PCDHGA1: variants seen among roughly 807,000 people sequenced by gnomAD.
PCDHGA1 encodes protocadherin gamma subfamily A, 1.
In PCDHGA1, 32 loss-of-function variants were observed where a neutral mutation model predicts 58.0. The observed-to-expected ratio is 0.55, with a 90% CI of 0.42 to 0.74. The LOEUF (loss-of-function observed/expected upper bound fraction) is 0.74, where lower values mean the gene tolerates loss of function less well. Ranked by LOEUF, PCDHGA1 falls within the 30% of genes least tolerant of loss-of-function variation. The probability of loss-of-function intolerance (pLI) is 0.00; values close to 1 mark genes in which losing one functional copy is unlikely to be tolerated. For synonymous variants in PCDHGA1, 498 were observed against 501.1 expected, an observed-to-expected ratio of 0.99 and a Z score of 0.08; for missense variants, 1,205 against 1,182.3, an observed-to-expected ratio of 1.02 and a Z score of -0.28.
At chr5:141,345,225 A>T in intron 1 of PCDHGA1, 1 of 1,613,856 alleles carries the variant, frequency 6.2e-7, no homozygotes, top group East Asian at 2.2e-5. Context: ...AGAAAAATCA[A>T]TAGATCAATA....
At chr5:141,494,099 C>T (rs976610819) in intron 1 of PCDHGA1, among the ~76,000 whole-genome samples, 3 of 152,172 alleles carry the variant, frequency 2.0e-5, no homozygotes, top group South Asian at 2.1e-4. Context: ...CATTTTTCTC[C>T]GTCTCAGACA....
chr5:141,485,641 G>T lies in PCDHGA1; in HGVS notation c.2422-9166G>T. The T allele has an allele frequency of 6.2e-7, 1 of 1,612,012 alleles. No individual in the cohort carries two copies. Among genetic ancestry groups the T allele is most frequent in the Non-Finnish European group, 8.5e-7 (1 of 1,178,470 alleles). On this transcript the variant is annotated intron_variant, in intron 1 of 3. Transcript: ENST00000517417. The surrounding 1 kb of genome is among the most constrained non-coding windows in gnomAD (Gnocchi z 5.7). Reference sequence around the variant, plus strand: ...CAGGACAGCGTTTCCCGTTGGAAAAGGCTCAGGATGCAGATGTGGGGAGCA... The same window carrying T: ...CAGGACAGCGTTTCCCGTTGGAAAATGCTCAGGATGCAGATGTGGGGAGCA...
At position 141,360,885 on chromosome 5, in the gene PCDHGA1, C is replaced by T. The variant is rs762942158; in HGVS notation, c.2421+27780C>T. 3 of 1,614,014 alleles carry T rather than the reference C, an allele frequency of 1.9e-6. No homozygotes were observed. The East Asian group carries it at 6.7e-5, about 36-fold the overall frequency. On this transcript the variant is annotated intron_variant, in intron 1 of 3. Coordinates refer to ENST00000517417, the MANE Select transcript of PCDHGA1 (RefSeq NM_018912.3). ...TCAGCCAGGACGTGTACAGGGTCACCCTGAGGGAGGACGTGCCGCCGGGCT... is the reference window on the plus strand; with the variant it reads ...TCAGCCAGGACGTGTACAGGGTCACTCTGAGGGAGGACGTGCCGCCGGGCT...
chr5:141,341,349 C>T (rs1254925291), intron 1 of PCDHGA1: 2 of 1,614,204 alleles, frequency 1.2e-6, no homozygotes, highest in South Asian at 1.1e-5. Flanking sequence ...TTTTTATCAG[C>T]GCCTCAATCT....
At chr5:141,495,779 C>A (rs529564820) in intron 2 of PCDHGA1, among the ~76,000 whole-genome samples, 53 of 152,094 alleles carry the variant, frequency 3.5e-4, no homozygotes, top group Non-Finnish European at 4.6e-4. Flanking sequence ...TCCTGGACCT[C>A]TTTTCTGTTT....
chr5:141,476,271 C>T lies in PCDHGA1; in HGVS notation c.2422-18536C>T. Reference sequence around the variant, plus strand: ...GGTTTCGCTGTGGGCAACGTGGTCGCGAACCTTGGTTTGGATCTCGGTAGC... The same window carrying T: ...GGTTTCGCTGTGGGCAACGTGGTCGTGAACCTTGGTTTGGATCTCGGTAGC... On this transcript the variant is annotated intron_variant, in intron 1 of 3. Coordinates refer to ENST00000517417, the MANE Select transcript of PCDHGA1 (RefSeq NM_018912.3). This position sits in a 1 kb window ranked among gnomAD's most constrained non-coding sequence, Gnocchi z 7.6. 4 of 1,613,892 alleles carry T rather than the reference C, an allele frequency of 2.5e-6. No homozygotes were observed. The highest frequency in any genetic ancestry group is 3.4e-6 in the Non-Finnish European group (4 of 1,179,974).
intron 1 of PCDHGA1, chr5:141,385,236 C>T: frequency 2.5e-6 from 4 of 1,614,152 alleles, no homozygotes; most frequent in Non-Finnish European, 3.4e-6. Flanking sequence ...TAGACATGCT[C>T]ATCAGCCAGG....
rs764389909 is a variant in PCDHGA1, at chr5:141,491,064, ACTGTTG to A, written c.2422-3741_2422-3736del. On this transcript the variant is annotated intron_variant, in intron 1 of 3. Transcript: ENST00000517417. The surrounding 1 kb of genome is among the most constrained non-coding windows in gnomAD (Gnocchi z 6.9). ...GCCACAATGCGTGGCTCTCCTACTCACTGTTGCCACAGTCCACAGCCCCAGGACTGT... is the reference window on the plus strand; with the variant it reads ...GCCACAATGCGTGGCTCTCCTACTCACCACAGTCCACAGCCCCAGGACTGT... 1.2e-6 allele frequency: 2 copies of A among 1,613,962 alleles called. No homozygotes were observed. Among genetic ancestry groups the A allele is most frequent in the Admixed American group, 3.3e-5 (2 of 60,010 alleles).
chr5:141,491,544 C>G lies in PCDHGA1; in HGVS notation c.2422-3263C>G, dbSNP rs546391464. The G allele has an allele frequency of 1.1e-5, 17 of 1,614,018 alleles. No individual in the cohort carries two copies. In the Admixed American group the frequency reaches 1.8e-4, roughly 17 times the overall value. Reference sequence around the variant, plus strand: ...TGGAGGTGACGCTGCGGCCCACAGACTCGCAGAGCCACTGCTACAGGACGT... The same window carrying G: ...TGGAGGTGACGCTGCGGCCCACAGAGTCGCAGAGCCACTGCTACAGGACGT... On this transcript the variant is annotated intron_variant, in intron 1 of 3. Transcript: ENST00000517417. The surrounding 1 kb of genome is among the most constrained non-coding windows in gnomAD (Gnocchi z 6.9).
At chr5:141,508,570 C>T (rs1164806696) in intron 3 of PCDHGA1, among the ~76,000 whole-genome samples, 21 of 152,198 alleles carry the variant, frequency 1.4e-4, no homozygotes. Context: ...GTCACTTGCA[C>T]CCACTCGGGG....
chr5:141,366,557 G>A (rs376762797), intron 1 of PCDHGA1: 1 of 1,614,150 alleles, frequency 6.2e-7, no homozygotes, highest in African/African-American at 1.3e-5. Flanking sequence ...CTTTGTGGGC[G>A]TGGATGGGGT....
chr5:141,340,832 C>G (rs773450474), intron 1 of PCDHGA1: 2 of 1,613,248 alleles, frequency 1.2e-6, no homozygotes, highest in Non-Finnish European at 1.7e-6. Flanking sequence ...CTCGGTGGGT[C>G]TGCACACGGG....
intron 1 of PCDHGA1, among the ~76,000 whole-genome samples, chr5:141,463,302 A>T (rs2099056422): frequency 6.6e-6 from 1 of 151,090 alleles, no homozygotes; most frequent in Non-Finnish European, 1.5e-5. Context: ...ATCTCCCCAA[A>T]CTCTAATATC....
Position 141,332,921 on chromosome 5 carries a change from T to C in PCDHGA1, c.2237T>C (p.Val746Ala), listed in dbSNP as rs1180114826. The stretch of plus-strand genomic sequence containing the variant: ...TCGCACTTTGTGGGCGTGGACGGGG[T>C]TCGGGCTTTCCTGCAGACCTATTCC... ...PGSHFVGVDG[V>A]RAFLQTYSHE... Residue 746 changes from valine to alanine, a missense_variant, in exon 1 of 4, where the codon GTT becomes GCT. Transcript: ENST00000517417. The surrounding 1 kb of genome is among the most constrained non-coding windows in gnomAD (Gnocchi z 4.6). 6.2e-7 allele frequency: 1 copy of C among 1,614,006 alleles called. No homozygotes were observed. Among genetic ancestry groups the C allele is most frequent in the Non-Finnish European group, 8.5e-7 (1 of 1,180,032 alleles).
chr5:141,477,564 A>T lies in PCDHGA1; in HGVS notation c.2422-17243A>T. 2 of 1,613,924 alleles carry T rather than the reference A, an allele frequency of 1.2e-6. No individual in the cohort carries two copies. The highest frequency in any genetic ancestry group is 1.7e-6 in the Non-Finnish European group (2 of 1,179,980). On this transcript the variant is annotated intron_variant, in intron 1 of 3. Coordinates refer to ENST00000517417, the MANE Select transcript of PCDHGA1 (RefSeq NM_018912.3). The surrounding 1 kb of genome is among the most constrained non-coding windows in gnomAD (Gnocchi z 4.9). ...CCAATACTAAACCTAAGTGTCTGGG[A>T]CCCCGACGCCCCGCAGAATGCTCGG... is the stretch of plus-strand genomic sequence containing the variant.
chr5:141,345,650 C>A, intron 1 of PCDHGA1: 1 of 1,614,220 alleles, frequency 6.2e-7, no homozygotes, highest in Non-Finnish European at 8.5e-7. Context: ...ACAGCGGGAA[C>A]CCTCCACTCA....
At chr5:141,494,682 C>G (rs1282135022) in intron 1 of PCDHGA1, 125 bp from the exon 2 acceptor site, 16 of 1,564,362 alleles carry the variant, frequency 1.0e-5, no homozygotes, top group African/African-American at 1.4e-5. Context: ...ACCCCTGCCC[C>G]CTCTTAGTCC....
In PCDHGA1 at chr5:141,482,326, GAAT is replaced by G. The variant is rs1344469521; in HGVS notation, c.2422-12479_2422-12477del. Among the ~76,000 whole-genome samples, 3 of 152,072 alleles carry G rather than the reference GAAT, an allele frequency of 2.0e-5. No homozygotes were observed. The East Asian group carries it at 5.8e-4, about 29-fold the overall frequency. ...AGTTTCCTCATCTATAAAATAAAGAGAATATCTACTTTGCAAACTTGTTGTGAG... is the reference window on the plus strand; with the variant it reads ...AGTTTCCTCATCTATAAAATAAAGAGATCTACTTTGCAAACTTGTTGTGAG... On this transcript the variant is annotated intron_variant, in intron 1 of 3. Transcript: ENST00000517417.
In PCDHGA1 at chr5:141,481,831, G is replaced by A. The variant is rs35816779; in HGVS notation, c.2422-12976G>A. On this transcript the variant is annotated intron_variant, in intron 1 of 3. Coordinates refer to ENST00000517417, the MANE Select transcript of PCDHGA1 (RefSeq NM_018912.3). ...ACCAGGCGTGGTGGCTGAGGCAGGAGAATCGCTTGATGGTGGAGGTTGCAG... is the reference window on the plus strand; with the variant it reads ...ACCAGGCGTGGTGGCTGAGGCAGGAAAATCGCTTGATGGTGGAGGTTGCAG... Among the ~76,000 whole-genome samples the A allele has an allele frequency of 1.9e-3, 280 of 149,560 alleles. 1 individual carries two copies. The highest frequency in any genetic ancestry group is 0.01 in the Middle Eastern group (3 of 290).
Sources: gnomAD v4.1 joint callset for allele counts (sites outside exome capture counted in the v4.1 genomes callset) on GRCh38, gnomAD v4.1.1 for gene constraint, Gnocchi (gnomAD v3.1) non-coding constraint, MANE v1.5 for transcripts, NCBI Gene and HGNC (gene_info 2026-07-23, HGNC 2026-07-21) for gene names.